CAP2: variants seen among roughly 807,000 people sequenced by gnomAD.
The protein encoded by CAP2 is cyclase associated actin cytoskeleton regulatory protein 2, also known as adenylyl cyclase-associated protein 2.
A neutral mutation model predicts 57.7 loss-of-function variants in CAP2; 24 were observed. That is an observed-to-expected ratio of 0.42 (90% CI 0.30 to 0.58). The LOEUF is 0.58. Among genes scored for constraint, CAP2 ranks in the 20% least tolerant of loss-of-function variants. The probability of loss-of-function intolerance (pLI) is 0.22; values close to 1 mark genes in which losing one functional copy is unlikely to be tolerated. For synonymous variants in CAP2, 194 were observed against 207.2 expected (o/e 0.94, Z 0.55); for missense variants, 501 against 590.3 (o/e 0.85, Z 1.57).
chr6:17,505,458 A>T (rs1761955093), intron 4 of CAP2, among the ~76,000 whole-genome samples: 1 of 152,034 alleles, frequency 6.6e-6, no homozygotes, highest in African/African-American at 2.4e-5. Context: ...CCCTGCCCTC[A>T]CCCAGGCCAC....
At chr6:17,542,143 C>T (rs1183528904) in intron 9 of CAP2, among the ~76,000 whole-genome samples, 2 of 152,168 alleles carry the variant, frequency 1.3e-5, no homozygotes, top group Non-Finnish European at 2.9e-5. Flanking sequence ...TACTTTCTGT[C>T]TCTATGAATT....
intron 3 of CAP2, among the ~76,000 whole-genome samples, chr6:17,436,082 T>TTCCTTCC (rs1561782653): frequency 1.4e-4 from 11 of 77,528 alleles, no homozygotes; most frequent in African/African-American, 5.7e-4. Flanking sequence ...TCTTTCTTTC[T>TTCCTTCC]TTCTTTCCTT....
intron 7 of CAP2, among the ~76,000 whole-genome samples, chr6:17,527,755 T>C (rs1983840): frequency 0.35 from 53,459 of 151,924 alleles, 10,443 homozygotes; most frequent in African/African-American, 0.53. Flanking sequence ...CCACCATGCC[T>C]GGCTAATTTT....
intron 4 of CAP2, among the ~76,000 whole-genome samples, chr6:17,468,276 T>G (rs574597992): frequency 2.6e-5 from 4 of 152,208 alleles, no homozygotes; most frequent in Non-Finnish European, 5.9e-5. Context: ...AATTTCAAAT[T>G]TCCTTTCTCA....
At chr6:17,448,537 T>C (rs1365064897) in intron 3 of CAP2, among the ~76,000 whole-genome samples, 4 of 152,260 alleles carry the variant, frequency 2.6e-5, no homozygotes, top group Non-Finnish European at 5.9e-5. Context: ...TTTCTTTTCC[T>C]ATTCCCATAC....
intron 7 of CAP2, among the ~76,000 whole-genome samples, chr6:17,527,250 A>G (rs1236725970): frequency 6.6e-6 from 1 of 152,204 alleles, no homozygotes; most frequent in Admixed American, 6.5e-5. Context: ...TTCTGGCCAA[A>G]TGAAGTAGCT....
intron 3 of CAP2, among the ~76,000 whole-genome samples, chr6:17,442,662 G>A (rs2113565338): frequency 6.6e-6 from 1 of 152,110 alleles, no homozygotes; most frequent in East Asian, 1.9e-4. Flanking sequence ...CCAAGTGGGG[G>A]GAATTGCTTG....
At chr6:17,478,444 C>T (rs1268324800) in intron 4 of CAP2, among the ~76,000 whole-genome samples, 1 of 151,812 alleles carries the variant, frequency 6.6e-6, no homozygotes, top group East Asian at 1.9e-4. Flanking sequence ...CCGCACTGGG[C>T]CTCTCAATTA....
intron 4 of CAP2, among the ~76,000 whole-genome samples, chr6:17,491,485 T>C (rs115110639): frequency 0.016 from 2,397 of 152,332 alleles, 18 homozygotes; most frequent in Non-Finnish European, 0.021. Flanking sequence ...GCAGCTGTCA[T>C]TTTTAGTCCT....
chr6:17,432,525 CTGTA>C (rs1759762147), intron 3 of CAP2, among the ~76,000 whole-genome samples: 1 of 152,194 alleles, frequency 6.6e-6, no homozygotes, highest in Non-Finnish European at 1.5e-5. Context: ...CCCGAAGAAT[CTGTA>C]TGTCTTTCAG....
At chr6:17,469,320 G>T (rs538677722) in intron 4 of CAP2, among the ~76,000 whole-genome samples, 129 of 152,280 alleles carry the variant, frequency 8.5e-4, no homozygotes, top group African/African-American at 2.9e-3. Context: ...CAGGCTTTCT[G>T]CTGCCTTCAC....
intron 4 of CAP2, among the ~76,000 whole-genome samples, chr6:17,468,755 G>T (rs1304182833): frequency 6.6e-6 from 1 of 152,056 alleles, no homozygotes; most frequent in East Asian, 1.9e-4. Context: ...CCCCCACCCT[G>T]GCTTGCTCAA....
At position 17,397,410 on chromosome 6, in the gene CAP2, T is replaced by C. The variant is rs143345152; in HGVS notation, c.-2+3664T>C. ...ATTAGGTCATTAAGAATTACCCACA[T>C]TGGGCTGGGCGTGGTGGCTCACGCC... On this transcript the variant is annotated intron_variant, in intron 1 of 12. Coordinates refer to ENST00000229922, the MANE Select transcript of CAP2 (RefSeq NM_006366.3). Among the ~76,000 whole-genome samples, 94 of 150,920 alleles carry C rather than the reference T, an allele frequency of 6.2e-4. No individual in the cohort carries two copies. In the East Asian group the frequency reaches 0.018, roughly 29 times the overall value.
At chr6:17,466,923 C>A (rs774438435) in intron 4 of CAP2, among the ~76,000 whole-genome samples, 4 of 152,034 alleles carry the variant, frequency 2.6e-5, no homozygotes, top group South Asian at 2.1e-4. Context: ...AGCTTAGTAT[C>A]TAGTAGATGA....
In CAP2 at chr6:17,513,688, A is replaced by C. The variant is rs944757764; in HGVS notation, c.531-161A>C. On this transcript the variant is annotated intron_variant, in intron 6 of 12. Coordinates refer to ENST00000229922, the MANE Select transcript of CAP2 (RefSeq NM_006366.3). The surrounding 1 kb of genome is among the most constrained non-coding windows in gnomAD (Gnocchi z 4.3). ...GAGAGTACTGGGCCAGCTTCCTCCC[A>C]GGGTTCCCTTCTGAAGCCCTTCACG... 6.6e-6 allele frequency among the ~76,000 whole-genome samples: 1 copy of C among 152,150 alleles called. No individual in the cohort carries two copies. Among genetic ancestry groups the C allele is most frequent in the African/African-American group, 2.4e-5 (1 of 41,428 alleles).
At chr6:17,515,115 T>C (rs1303241758) in intron 7 of CAP2, among the ~76,000 whole-genome samples, 1 of 151,774 alleles carries the variant, frequency 6.6e-6, no homozygotes, top group East Asian at 1.9e-4. Context: ...GAGAATCGCT[T>C]GAATCCGGGA....
intron 11 of CAP2, among the ~76,000 whole-genome samples, chr6:17,549,309 C>T (rs986374414): frequency 6.6e-6 from 1 of 151,970 alleles, no homozygotes; most frequent in Non-Finnish European, 1.5e-5. Context: ...ACTGAAAATA[C>T]AAAATTAGCC....
chr6:17,412,473 C>T (rs775156943), intron 1 of CAP2, among the ~76,000 whole-genome samples: 9 of 152,216 alleles, frequency 5.9e-5, no homozygotes, highest in Admixed American at 3.9e-4. Flanking sequence ...TCCAGAATCA[C>T]GTGGGTTGTC....
At position 17,525,468 on chromosome 6, in the gene CAP2, C is replaced by CAA. The variant is rs35979749; in HGVS notation, c.636+11525_636+11526dup. On this transcript the variant is annotated intron_variant, in intron 7 of 12. Transcript: ENST00000229922. ...TGGGTGACAGAGCAAGATTCCATCT[C>CAA]AAAAAAAAAAAAGAAAGAAAAAAGA... Among the ~76,000 whole-genome samples, 143 of 139,252 alleles carry CAA rather than the reference C, an allele frequency of 1.0e-3. No homozygotes were observed. The East Asian group carries it at 0.016, about 16-fold the overall frequency. The allele number at this position is 139,252 out of a possible 152,430, so 91.4% of individuals were successfully genotyped here. A position where few individuals can be genotyped will look rare whatever the true frequency, so the allele number is the denominator to read the frequency against.
Sources: allele counts gnomAD v4.1 joint callset (sites outside exome capture counted in the v4.1 genomes callset), GRCh38; gene constraint gnomAD v4.1.1; non-coding constraint Gnocchi (gnomAD v3.1); transcripts MANE v1.5; gene names NCBI Gene and HGNC (gene_info 2026-07-23, HGNC 2026-07-21).